SOCS5: variants seen among roughly 807,000 people sequenced by gnomAD.
SOCS5 encodes CIS-6.
A neutral mutation model predicts 42.8 loss-of-function variants in SOCS5; 32 were observed. The observed-to-expected ratio is 0.75, with a 90% confidence interval of 0.56 to 1.01. The LOEUF (loss-of-function observed/expected upper bound fraction) is 1.01, where lower values mean the gene tolerates loss of function less well. Among genes scored for constraint, SOCS5 ranks in the 50% least tolerant of loss-of-function variants. SOCS5 has a pLI of 0.00. For synonymous variants in SOCS5, 283 were observed against 229.6 expected, an observed-to-expected ratio of 1.23 and a Z score of -2.10; for missense variants, 627 against 653.0, an observed-to-expected ratio of 0.96 and a Z score of 0.43.
At chr2:46,755,790 CAAACA>C (rs1673719919) in intron 1 of SOCS5, among the ~76,000 whole-genome samples, 2 of 152,202 alleles carry the variant, frequency 1.3e-5, no homozygotes, top group African/African-American at 4.8e-5. Flanking sequence ...TTTAACAAAA[CAAACA>C]AAAGAACTTC....
At chr2:46,734,077 A>G (rs537923182) in intron 1 of SOCS5, among the ~76,000 whole-genome samples, 1 of 152,324 alleles carries the variant, frequency 6.6e-6, no homozygotes, top group African/African-American at 2.4e-5. Flanking sequence ...TGGACAGTAT[A>G]ATTAATGGAT....
chr2:46,757,575 C>T lies in SOCS5; in HGVS notation c.-12-944C>T, dbSNP rs188576789. Among the ~76,000 whole-genome samples, 122 of 152,100 alleles carry T rather than the reference C, an allele frequency of 8.0e-4. 1 individual carries two copies. The highest frequency in any genetic ancestry group is 2.9e-3 in the African/African-American group (119 of 41,546). On this transcript the variant is annotated intron_variant, in intron 1 of 1. Coordinates refer to ENST00000394861, the MANE Select transcript of SOCS5 (RefSeq NM_144949.3). ...ATTAAAGAATTGGGAAGTTTAAAGA[C>T]ACCTTTCCTGGCCGGGCATGGTGGC...
intron 1 of SOCS5, among the ~76,000 whole-genome samples, chr2:46,736,882 G>A (rs1332489942): frequency 6.6e-6 from 1 of 151,388 alleles, no homozygotes; most frequent in Admixed American, 6.6e-5. Context: ...TTACTAGTTG[G>A]GCATCCCTAA....
At chr2:46,729,602 A>G (rs1350402710) in intron 1 of SOCS5, among the ~76,000 whole-genome samples, 1 of 152,174 alleles carries the variant, frequency 6.6e-6, no homozygotes, top group Non-Finnish European at 1.5e-5. Context: ...TACAGTATAA[A>G]ATATTTTTAA....
chr2:46,759,127 G>C lies in SOCS5; in HGVS notation c.597G>C (p.Lys199Asn). 6.2e-7 allele frequency: 1 copy of C among 1,613,974 alleles called. No individual in the cohort carries two copies. The highest frequency in any genetic ancestry group is 8.5e-7 in the Non-Finnish European group (1 of 1,179,856). Residue 199 changes from lysine (K) to asparagine (N), a missense_variant, in exon 2 of 2, where the codon AAG becomes AAC. Transcript: ENST00000394861. ...FPMRTYSKQSKPLFSNKRKIH... is the reference protein window; with the variant it reads ...FPMRTYSKQSNPLFSNKRKIH... ...TGAGAACTTACAGCAAGCAGTCAAA[G>C]CCTCTCTTTTCCAATAAAAGAAAAA...
At chr2:46,758,353 TG>T (rs1394011883) in intron 1 of SOCS5, among the ~76,000 whole-genome samples, 165 bp from the exon 2 acceptor site, 1 of 152,210 alleles carries the variant, frequency 6.6e-6, no homozygotes, top group South Asian at 2.1e-4. Context: ...GCCTTCCTGC[TG>T]CCCAACAGAA....
intron 1 of SOCS5, among the ~76,000 whole-genome samples, chr2:46,727,901 C>T (rs992459706): frequency 6.6e-6 from 1 of 152,256 alleles, no homozygotes; most frequent in South Asian, 2.1e-4. Flanking sequence ...CCTGTGATTG[C>T]ACCCACATCC....
At chr2:46,704,431 G>A (rs1378813759) in intron 1 of SOCS5, among the ~76,000 whole-genome samples, 2 of 152,240 alleles carry the variant, frequency 1.3e-5, no homozygotes, top group South Asian at 2.1e-4. Flanking sequence ...TTAGACCTGC[G>A]TATATGGTAG....
chr2:46,727,664 G>C (rs1021358099), intron 1 of SOCS5, among the ~76,000 whole-genome samples: 2 of 152,130 alleles, frequency 1.3e-5, no homozygotes, highest in African/African-American at 4.8e-5. Flanking sequence ...TTCGAGATAG[G>C]TGGTAATCTC....
At chr2:46,735,275 C>G (rs1221894795) in intron 1 of SOCS5, among the ~76,000 whole-genome samples, 1 of 152,078 alleles carries the variant, frequency 6.6e-6, no homozygotes, top group Non-Finnish European at 1.5e-5. Flanking sequence ...CCTTATGGTT[C>G]AAAATTGAGG....
At chr2:46,702,503 A>G (rs1672366555) in intron 1 of SOCS5, among the ~76,000 whole-genome samples, 1 of 152,256 alleles carries the variant, frequency 6.6e-6, no homozygotes, top group Non-Finnish European at 1.5e-5. Flanking sequence ...CAGATATTCC[A>G]GTGAAAATAC....
At chr2:46,718,853 A>G (rs983492429) in intron 1 of SOCS5, among the ~76,000 whole-genome samples, 2 of 152,364 alleles carry the variant, frequency 1.3e-5, no homozygotes, top group East Asian at 1.9e-4. Flanking sequence ...GTAGGAACAT[A>G]CAGTGATACA....
intron 1 of SOCS5, among the ~76,000 whole-genome samples, chr2:46,737,302 C>A (rs1673275781): frequency 6.6e-6 from 1 of 152,132 alleles, no homozygotes; most frequent in Non-Finnish European, 1.5e-5. Context: ...TTCTTTTGAA[C>A]TATGGAGATT....
Position 46,759,693 on chromosome 2 carries a change from G to A in SOCS5, c.1163G>A (p.Arg388His), listed in dbSNP as rs142866121. The A allele has an allele frequency of 6.2e-7, 1 of 1,613,980 alleles. No homozygotes were observed. The highest frequency in any genetic ancestry group is 8.5e-7 in the Non-Finnish European group (1 of 1,180,006). ...GNPCYWGVMD[R>H]YEAEALLEGK... ...CCCTGTTACTGGGGAGTGATGGACC[G>A]TTATGAAGCAGAAGCCCTTCTCGAA... The change falls in exon 2 of 2, where the codon CGT becomes CAT. Residue 388 changes from arginine to histidine, a missense_variant. Coordinates refer to ENST00000394861, the MANE Select transcript of SOCS5 (RefSeq NM_144949.3).
At position 46,699,340 on chromosome 2, in the gene SOCS5, G is replaced by A. The variant is rs921838736; in HGVS notation, c.-122G>A. 1.8e-4 allele frequency: 28 copies of A among 152,174 alleles called. 1 individual carries two copies. In the Middle Eastern group the frequency reaches 0.017, roughly 94 times the overall value. 9.4% of individuals were successfully genotyped at this position (152,174 alleles called of 1,614,324 possible). A position where few individuals can be genotyped will look rare whatever the true frequency, so the allele number is the denominator to read the frequency against. ...CGCTCGCTGGGCAGTCGGAGGGGAC[G>A]GGACGCACCGGAGGGCAGGCGGACT... On this transcript the variant is annotated 5_prime_UTR_variant, in exon 1 of 2. Coordinates refer to ENST00000394861, the MANE Select transcript of SOCS5 (RefSeq NM_144949.3). The surrounding 1 kb of genome is among the most constrained non-coding windows in gnomAD (Gnocchi z 4.8).
At chr2:46,750,453 G>A (rs1487768497) in intron 1 of SOCS5, among the ~76,000 whole-genome samples, 1 of 152,010 alleles carries the variant, frequency 6.6e-6, no homozygotes, top group Non-Finnish European at 1.5e-5. Context: ...ATTTGGTTCT[G>A]TGTCTTCTTT....
intron 1 of SOCS5, among the ~76,000 whole-genome samples, chr2:46,741,674 T>C (rs1235712846): frequency 6.6e-6 from 1 of 152,190 alleles, no homozygotes; most frequent in African/African-American, 2.4e-5. Flanking sequence ...TTATAACCAT[T>C]TTTATTTAAT....
At chr2:46,734,109 T>C (rs983203422) in intron 1 of SOCS5, among the ~76,000 whole-genome samples, 21 of 152,364 alleles carry the variant, frequency 1.4e-4, no homozygotes, top group Admixed American at 1.2e-3. Flanking sequence ...AGAGGCCATA[T>C]ACCCTTTCAG....
intron 1 of SOCS5, among the ~76,000 whole-genome samples, chr2:46,703,703 G>T (rs913096839): frequency 6.6e-6 from 1 of 152,154 alleles, no homozygotes; most frequent in Non-Finnish European, 1.5e-5. Flanking sequence ...ATGGTTATGT[G>T]AACTGAGTAG....
Sources: gnomAD v4.1 joint callset for allele counts (sites outside exome capture counted in the v4.1 genomes callset) on GRCh38, gnomAD v4.1.1 for gene constraint, Gnocchi (gnomAD v3.1) non-coding constraint, MANE v1.5 for transcripts, NCBI Gene and HGNC (gene_info 2026-07-23, HGNC 2026-07-21) for gene names.